PCLO: variants seen among roughly 807,000 people sequenced by gnomAD.
PCLO encodes the protein piccolo presynaptic cytomatrix protein.
PCLO carries 82 observed loss-of-function variants against 427.5 expected under a neutral mutation model. The observed-to-expected ratio is 0.19, with a 90% confidence interval of 0.16 to 0.23. PCLO has a LOEUF of 0.23. Among genes scored for constraint, PCLO ranks in the 10% least tolerant of loss-of-function variants. The pLI, the probability that PCLO is intolerant of heterozygous loss-of-function variation, is 1.00. For synonymous variants in PCLO, 2,357 were observed against 2,155.4 expected, an observed-to-expected ratio of 1.09 and a Z score of -2.59; for missense variants, 6,239 against 6,115.9, an observed-to-expected ratio of 1.02 and a Z score of -0.67.
chr7:82,831,700 A>T (rs1471797133), intron 16 of PCLO, among the ~76,000 whole-genome samples: 1 of 152,182 alleles, frequency 6.6e-6, no homozygotes, highest in Non-Finnish European at 1.5e-5. Flanking sequence ...TTGATTCTCC[A>T]ATTCTCTCCA....
At chr7:83,132,753 G>T (rs775784835) in intron 3 of PCLO, among the ~76,000 whole-genome samples, 6 of 152,012 alleles carry the variant, frequency 3.9e-5, no homozygotes, top group Non-Finnish European at 7.4e-5. Flanking sequence ...AATGCAGTTT[G>T]CTTCATAACT....
chr7:82,993,023 A>C (rs1377532074), intron 3 of PCLO, among the ~76,000 whole-genome samples: 1 of 152,036 alleles, frequency 6.6e-6, no homozygotes, highest in Non-Finnish European at 1.5e-5. Flanking sequence ...CATACATGGC[A>C]CAGTCAGAGC....
At chr7:83,058,294 GA>G (rs756494715) in intron 3 of PCLO, among the ~76,000 whole-genome samples, 12 of 152,152 alleles carry the variant, frequency 7.9e-5, no homozygotes, top group Non-Finnish European at 2.9e-5. Context: ...AACCTCAAAT[GA>G]AACAGCATCC....
chr7:83,082,945 A>T (rs1790139611), intron 3 of PCLO, among the ~76,000 whole-genome samples: 1 of 151,876 alleles, frequency 6.6e-6, no homozygotes, highest in South Asian at 2.1e-4. Flanking sequence ...AAAAGAACAA[A>T]ATATCTAGAA....
At chr7:82,959,577 G>A (rs939054101) in intron 4 of PCLO, among the ~76,000 whole-genome samples, 2 of 152,118 alleles carry the variant, frequency 1.3e-5, no homozygotes, top group Admixed American at 1.3e-4. Context: ...GGGAAATTAA[G>A]TGACATTAGA....
chr7:82,953,652 T>G lies in PCLO; in HGVS notation c.7301A>C (p.Lys2434Thr). 1.3e-6 allele frequency: 2 copies of G among 1,537,936 alleles called. No individual in the cohort carries two copies. Among genetic ancestry groups the G allele is most frequent in the Non-Finnish European group, 1.8e-6 (2 of 1,142,634 alleles). Reference sequence around the variant, plus strand: ...CTTTTTTTTAGGAAGAATAGTTGGTTTAGGTGAAGTTGGTGGAGGAAGTGG... The same window carrying G: ...CTTTTTTTTAGGAAGAATAGTTGGTGTAGGTGAAGTTGGTGGAGGAAGTGG... ...PPPLPPPTSP[K>T]PTILPKKKLT... Residue 2434 changes from lysine to threonine, a missense_variant, in exon 5 of 25, where the codon AAA (lysine) becomes ACA (threonine). Transcript: ENST00000333891.
At position 83,131,617 on chromosome 7, in the gene PCLO, T is replaced by C. The variant is rs1472708961; in HGVS notation, c.3300+2633A>G. On this transcript the variant is annotated intron_variant, in intron 3 of 24. Coordinates refer to ENST00000333891, the MANE Select transcript of PCLO (RefSeq NM_033026.6). ...CTTCATAAGAAAATAAATGAAATTATTGAATCTTTTCTTGAGGGAATACCA... is the reference window on the plus strand; with the variant it reads ...CTTCATAAGAAAATAAATGAAATTACTGAATCTTTTCTTGAGGGAATACCA... Among the ~76,000 whole-genome samples the C allele has an allele frequency of 2.6e-5, 4 of 152,148 alleles. No individual in the cohort carries two copies. The South Asian group carries it at 6.2e-4, about 24-fold the overall frequency.
chr7:82,888,929 C>A (rs371947563), intron 9 of PCLO, among the ~76,000 whole-genome samples: 3 of 151,990 alleles, frequency 2.0e-5, no homozygotes, highest in Admixed American at 6.6e-5. Flanking sequence ...TCAGGAGGGT[C>A]GAACCACAAG....
intron 20 of PCLO, among the ~76,000 whole-genome samples, chr7:82,807,244 T>C (rs1448051844): frequency 6.6e-6 from 1 of 151,776 alleles, no homozygotes; most frequent in East Asian, 1.9e-4. Flanking sequence ...TAAATAGTCT[T>C]TGACAATGAA....
chr7:82,826,907 T>G (rs1350645396), intron 17 of PCLO, among the ~76,000 whole-genome samples: 1 of 152,020 alleles, frequency 6.6e-6, no homozygotes, highest in African/African-American at 2.4e-5. Flanking sequence ...TGATAATTCT[T>G]ACTTATTTAT....
intron 10 of PCLO, among the ~76,000 whole-genome samples, chr7:82,872,400 ATGGGAAACC>A (rs1294891288): frequency 7.9e-5 from 12 of 152,110 alleles, no homozygotes; most frequent in Non-Finnish European, 1.3e-4. Context: ...GAAAGCAACA[ATGGGAAACC>A]ATTGCACAAC....
At chr7:83,000,345 T>A (rs949831810) in intron 3 of PCLO, among the ~76,000 whole-genome samples, 1 of 151,392 alleles carries the variant, frequency 6.6e-6, no homozygotes, top group South Asian at 2.1e-4. Flanking sequence ...TCTGAAACTA[T>A]CTCTACAAAG....
intron 3 of PCLO, among the ~76,000 whole-genome samples, chr7:82,988,042 A>G (rs954746965): frequency 6.6e-6 from 1 of 152,146 alleles, no homozygotes; most frequent in Non-Finnish European, 1.5e-5. Context: ...GTATGGATAT[A>G]CTATTTATAT....
At position 82,955,807 on chromosome 7, in the gene PCLO, C is replaced by T; in HGVS notation, c.5146G>A (p.Gly1716Arg). The change falls in exon 5 of 25, where the codon GGA becomes AGA. Residue 1716 changes from glycine (G) to arginine (R), a missense_variant. By Grantham distance (125) the Gly-to-Arg change is moderately radical. Transcript: ENST00000333891. Reference protein sequence around the residue: ...DSPEDRSRGEGSSSLHASSFT... With the variant: ...DSPEDRSRGERSSSLHASSFT... Reference sequence around the variant, plus strand: ...CTGGAAGCATGCAGACTCGAAGATCCCTCTCCCCTTGACCTATCTTCAGGT... The same window carrying T: ...CTGGAAGCATGCAGACTCGAAGATCTCTCTCCCCTTGACCTATCTTCAGGT... 6.2e-7 allele frequency: 1 copy of T among 1,613,938 alleles called. No individual in the cohort carries two copies. The highest frequency in any genetic ancestry group is 1.1e-5 in the South Asian group (1 of 91,078).
At chr7:83,112,760 C>A (rs1791037935) in intron 3 of PCLO, among the ~76,000 whole-genome samples, 1 of 152,074 alleles carries the variant, frequency 6.6e-6, no homozygotes, top group Non-Finnish European at 1.5e-5. Flanking sequence ...AGAGGAAAAG[C>A]TCATTAAATA....
At chr7:82,762,115 T>C (rs1790443732) in intron 22 of PCLO, among the ~76,000 whole-genome samples, 1 of 152,144 alleles carries the variant, frequency 6.6e-6, no homozygotes, top group Admixed American at 6.6e-5. Flanking sequence ...TTTCATGCTT[T>C]TTCTATCTAT....
intron 3 of PCLO, among the ~76,000 whole-genome samples, chr7:83,027,141 C>G (rs1354650822): frequency 7.9e-6 from 1 of 126,794 alleles, no homozygotes; most frequent in Non-Finnish European, 1.7e-5. Context: ...CACAAAAAAC[C>G]CTTCAAAAAA....
At chr7:83,121,007 A>C (rs2116560764) in intron 3 of PCLO, among the ~76,000 whole-genome samples, 2 of 152,258 alleles carry the variant, frequency 1.3e-5, no homozygotes, top group South Asian at 4.1e-4. Flanking sequence ...AACTTAACAA[A>C]AGTAACTATA....
At chr7:83,082,441 T>TG (rs1790125412) in intron 3 of PCLO, among the ~76,000 whole-genome samples, 1 of 151,588 alleles carries the variant, frequency 6.6e-6, no homozygotes. Flanking sequence ...ACTTGGAACT[T>TG]GGAAAAGAAA....
Sources: gnomAD v4.1 joint callset for allele counts (sites outside exome capture counted in the v4.1 genomes callset) on GRCh38, gnomAD v4.1.1 for gene constraint, MANE v1.5 for transcripts, NCBI Gene and HGNC (gene_info 2026-07-23, HGNC 2026-07-21) for gene names.